Variants in PACRGL observed in about 807,000 individuals in gnomAD.
PACRGL encodes the protein parkin coregulated like, also known as PACRG-like protein.
PACRGL carries 38 observed loss-of-function variants against 34.5 expected under a neutral mutation model. The ratio of observed to expected loss-of-function variants is 1.10; its 90% confidence interval spans 0.85 to 1.44. The LOEUF (loss-of-function observed/expected upper bound fraction) is 1.44. PACRGL is among the 40% of genes most tolerant of loss of function. PACRGL has a pLI of 0.00. For synonymous variants in PACRGL, 128 were observed against 100.1 expected (o/e 1.28, Z -1.66); for missense variants, 305 against 281.4 (o/e 1.08, Z -0.60).
At chr4:20,742,549 G>A (rs1268313965) in intron 8 of PACRGL, among the ~76,000 whole-genome samples, 2 of 152,036 alleles carry the variant, frequency 1.3e-5, no homozygotes, top group East Asian at 1.9e-4. Context: ...AATAAACTAG[G>A]TATTAATGGG....
intron 7 of PACRGL, among the ~76,000 whole-genome samples, chr4:20,721,620 G>A (rs1743239885): frequency 6.6e-6 from 1 of 152,218 alleles, no homozygotes; most frequent in Admixed American, 6.5e-5. Flanking sequence ...GGTATCAGCA[G>A]TGGAGGCTGC....
intron 4 of PACRGL, 44 bp downstream of exon 4, chr4:20,707,914 A>T: frequency 7.5e-7 from 1 of 1,340,300 alleles, no homozygotes; most frequent in Non-Finnish European, 1.1e-6. Flanking sequence ...ATTCAAAATC[A>T]TTGAGTAAAA....
chr4:20,760,592 C>A, the PACRGL span, among the ~76,000 whole-genome samples: 1 of 152,086 alleles, frequency 6.6e-6, no homozygotes, highest in South Asian at 2.1e-4. Flanking sequence ...CAGAGCTTCT[C>A]GATATGGTTT....
At chr4:20,721,966 G>A (rs1486744929) in intron 7 of PACRGL, among the ~76,000 whole-genome samples, 1 of 152,204 alleles carries the variant, frequency 6.6e-6, no homozygotes, top group Admixed American at 6.5e-5. Flanking sequence ...GCTGTGGTGG[G>A]CTCCACCCAG....
downstream of PACRGL, among the ~76,000 whole-genome samples, chr4:20,756,767 T>C (rs985188872): frequency 6.6e-6 from 1 of 152,212 alleles, no homozygotes; most frequent in East Asian, 1.9e-4. Flanking sequence ...GACTTCATCA[T>C]TTCATTTCTG....
At chr4:20,726,195 T>C (rs1383227251) in intron 8 of PACRGL, among the ~76,000 whole-genome samples, 1 of 151,988 alleles carries the variant, frequency 6.6e-6, no homozygotes, top group Admixed American at 6.6e-5. Flanking sequence ...ATAGTATATG[T>C]GTAAATAAAG....
intron 8 of PACRGL, among the ~76,000 whole-genome samples, chr4:20,744,446 G>A (rs1458901640): frequency 6.6e-6 from 1 of 151,068 alleles, no homozygotes; most frequent in Non-Finnish European, 1.5e-5. Flanking sequence ...CCATAAAAAG[G>A]ATGAGTTCAT....
rs567825504 is a variant in PACRGL at position 20,730,617 on chromosome 4, T to C, written c.*3276T>C. The stretch of plus-strand genomic sequence containing the variant: ...GGATTAAGAGGTAACATGTTTGCAG[T>C]AATCATCTCTCTTTCTGTCTGCTAG... On this transcript the variant is annotated 3_prime_UTR_variant, in exon 9 of 9. Coordinates refer to ENST00000503585, the MANE Select transcript of PACRGL (RefSeq NM_001258345.3). Among the ~76,000 whole-genome samples the C allele has an allele frequency of 6.6e-6, 1 of 152,106 alleles. No homozygotes were observed. Among genetic ancestry groups the C allele is most frequent in the Non-Finnish European group, 1.5e-5 (1 of 68,016 alleles).
chr4:20,716,244 C>G lies in PACRGL; in HGVS notation c.609+2705C>G, dbSNP rs772292424. On this transcript the variant is annotated intron_variant, in intron 7 of 8. Transcript: ENST00000503585. ...CACAAAAAATAAAGATTAAAATCAG[C>G]AAAGGTAAGAGGCACATAGGGCAGG... 14 of 799,238 alleles carry G rather than the reference C, an allele frequency of 1.8e-5. No individual in the cohort carries two copies. In the South Asian group the frequency reaches 2.1e-4, roughly 12 times the overall value. 49.5% of individuals were successfully genotyped at this position (799,238 alleles called of 1,614,324 possible). A position where few individuals can be genotyped will look rare whatever the true frequency, so the allele number is the denominator to read the frequency against.
upstream of PACRGL, among the ~76,000 whole-genome samples, chr4:20,699,688 A>T (rs1423089911): frequency 1.3e-5 from 2 of 152,162 alleles, no homozygotes; most frequent in South Asian, 2.1e-4. Flanking sequence ...ACAGTAGAGG[A>T]TGCTAAAGAG....
At chr4:20,757,557 C>G (rs1754585797), downstream of PACRGL, among the ~76,000 whole-genome samples, 1 of 152,166 alleles carries the variant, frequency 6.6e-6, no homozygotes, top group Non-Finnish European at 1.5e-5. Context: ...CAAATCCTGG[C>G]AATTTCCTGC....
In PACRGL at chr4:20,728,234, C is replaced by G. The variant is rs1258381431; in HGVS notation, c.*893C>G. 1 of 151,964 alleles carries G rather than the reference C, an allele frequency of 6.6e-6. No homozygotes were observed. Among genetic ancestry groups the G allele is most frequent in the Non-Finnish European group, 1.5e-5 (1 of 68,024 alleles). 9.4% of individuals were successfully genotyped at this position (151,964 alleles called of 1,614,324 possible). ...TGTTGTTTATTACAACTCATTACAA[C>G]TACCTAAATTTTAGGTGTTAACTGT... is the stretch of plus-strand genomic sequence containing the variant. On this transcript the variant is annotated 3_prime_UTR_variant, in exon 9 of 9. Transcript: ENST00000503585.
intron 1 of PACRGL, chr4:20,702,229 G>C: frequency 2.2e-6 from 1 of 456,532 alleles, no homozygotes; most frequent in South Asian, 1.6e-5. Context: ...TTGGTAGGTA[G>C]TATTGAAAAA....
intron 1 of PACRGL, chr4:20,701,779 C>T (rs1732272409): frequency 4.5e-6 from 2 of 447,224 alleles, no homozygotes; most frequent in Admixed American, 2.4e-5. Context: ...TACCCAAATC[C>T]ACCCATGCCA....
At chr4:20,763,232 C>T in the PACRGL span, among the ~76,000 whole-genome samples, 3 of 152,186 alleles carry the variant, frequency 2.0e-5, no homozygotes, top group Non-Finnish European at 4.4e-5. Context: ...GCCATTTTGT[C>T]TCTCAAAAAG....
At chr4:20,758,072 G>C in the PACRGL span, among the ~76,000 whole-genome samples, 2,164 of 152,168 alleles carry the variant, frequency 0.014, 49 homozygotes, top group African/African-American at 0.05. Context: ...TTCCCCCTAC[G>C]TGATCAGCAC....
At position 20,729,069 on chromosome 4, in the gene PACRGL, C is replaced by CTTGCTGTTTGT. The variant is rs908179785; in HGVS notation, c.*1730_*1740dup. 1.2e-4 allele frequency: 18 copies of CTTGCTGTTTGT among 151,988 alleles called. No individual in the cohort carries two copies. Among genetic ancestry groups the CTTGCTGTTTGT allele is most frequent in the Admixed American group, 6.6e-4 (10 of 15,244 alleles). 9.4% of individuals were successfully genotyped at this position (151,988 alleles called of 1,614,324 possible). ...AAGTGAATTTTGCTTGCTAATTTTG[C>CTTGCTGTTTGT]TTGCTGTTTGTTCTTAGTAGACAGT... On this transcript the variant is annotated 3_prime_UTR_variant, in exon 9 of 9. Transcript: ENST00000503585.
rs918860538 is a variant in PACRGL, at chr4:20,707,783, A to G, written c.208-20A>G. The stretch of plus-strand genomic sequence containing the variant: ...CCTCAGAAGTATAGGTGATAGTAAT[A>G]TTTTCATTTTTTATTTTAGTTTGGT... On this transcript the variant is annotated intron_variant, in intron 3 of 8. Coordinates refer to ENST00000503585, the MANE Select transcript of PACRGL (RefSeq NM_001258345.3). 3 of 1,606,718 alleles carry G rather than the reference A, an allele frequency of 1.9e-6. No individual in the cohort carries two copies. The highest frequency in any genetic ancestry group is 4.5e-5 in the East Asian group (2 of 44,836).
downstream of PACRGL, chr4:20,734,792 A>T (rs1749183304): frequency 9.4e-7 from 1 of 1,059,480 alleles, no homozygotes; most frequent in South Asian, 1.5e-5. Context: ...CAAAAACAAA[A>T]AAAACAAATG....
Sources: allele counts gnomAD v4.1 joint callset (sites outside exome capture counted in the v4.1 genomes callset), GRCh38; gene constraint gnomAD v4.1.1; transcripts MANE v1.5; gene names NCBI Gene and HGNC (gene_info 2026-07-23, HGNC 2026-07-21).